Variants in PKNOX1 observed in about 807,000 individuals in gnomAD.
The protein encoded by PKNOX1 is homeobox protein PKNOX1.
Under a neutral mutation model 51.9 loss-of-function variants are expected in PKNOX1, and 15 were observed. That is an observed-to-expected ratio of 0.29 (90% confidence interval 0.19 to 0.45). PKNOX1 has a LOEUF of 0.45. Among genes scored for constraint, PKNOX1 ranks in the 20% least tolerant of loss-of-function variants. The pLI is 1.00. For missense variants in PKNOX1, 462 were observed against 547.5 expected (o/e 0.84, Z 1.56); for synonymous variants, 219 against 211.1 (o/e 1.04, Z -0.32).
At chr21:42,997,897 G>A (rs760291285) in intron 1 of PKNOX1, among the ~76,000 whole-genome samples, 8 of 152,298 alleles carry the variant, frequency 5.3e-5, no homozygotes, top group Non-Finnish European at 1.2e-4. Context: ...ACAACTTGGA[G>A]TGCGGAAGGG....
intron 1 of PKNOX1, among the ~76,000 whole-genome samples, chr21:42,988,306 C>T (rs775750644): frequency 3.9e-5 from 6 of 152,178 alleles, no homozygotes; most frequent in Non-Finnish European, 7.3e-5. Flanking sequence ...ACCTCGGCCT[C>T]CCAAACTGCT....
At chr21:43,003,368 C>T (rs373868611) in intron 1 of PKNOX1, among the ~76,000 whole-genome samples, 2 of 152,150 alleles carry the variant, frequency 1.3e-5, no homozygotes, top group Non-Finnish European at 2.9e-5. Flanking sequence ...TGGCATTTTG[C>T]GGTTTTCTGT....
At chr21:42,987,853 C>T (rs1601273954) in intron 1 of PKNOX1, among the ~76,000 whole-genome samples, 1 of 151,942 alleles carries the variant, frequency 6.6e-6, no homozygotes, top group African/African-American at 2.4e-5. Flanking sequence ...CTCCTGACCT[C>T]GTGATCCACC....
intron 1 of PKNOX1, among the ~76,000 whole-genome samples, chr21:42,987,760 A>G (rs1441944997): frequency 2.0e-5 from 3 of 150,896 alleles, no homozygotes; most frequent in Non-Finnish European, 4.4e-5. Flanking sequence ...CTGGGACTAC[A>G]GGTGCCCACC....
intron 4 of PKNOX1, among the ~76,000 whole-genome samples, chr21:43,011,778 A>G (rs1053444417): frequency 2.0e-5 from 3 of 152,202 alleles, no homozygotes; most frequent in African/African-American, 4.8e-5. Flanking sequence ...TTCTCATTAT[A>G]TACTCGATGC....
intron 1 of PKNOX1, among the ~76,000 whole-genome samples, chr21:42,991,742 A>G (rs1171847532): frequency 6.6e-6 from 1 of 152,180 alleles, no homozygotes; most frequent in South Asian, 2.1e-4. Flanking sequence ...TCAAAAAAAA[A>G]AAAACAAACC....
chr21:43,004,372 C>T lies in PKNOX1; in HGVS notation c.-10C>T. 6.3e-7 allele frequency: 1 copy of T among 1,593,646 alleles called. No homozygotes were observed. On this transcript the variant is annotated 5_prime_UTR_variant, in exon 2 of 11. Transcript: ENST00000291547. The stretch of plus-strand genomic sequence containing the variant: ...AGATGATTTGATGTCTTATAAAACT[C>T]TGATGAACCATGATGGCTACACAGA...
chr21:43,029,424 G>GTTTT lies in PKNOX1; in HGVS notation c.1100-448_1100-445dup, dbSNP rs138486584. Among the ~76,000 whole-genome samples, 19 of 63,288 alleles carry GTTTT rather than the reference G, an allele frequency of 3.0e-4. 2 individuals carry two copies. The highest frequency in any genetic ancestry group is 6.5e-4 in the African/African-American group (10 of 15,306). 41.5% of individuals were successfully genotyped at this position (63,288 alleles called of 152,430 possible). A position where few individuals can be genotyped will look rare whatever the true frequency, so the allele number is the denominator to read the frequency against. On this transcript the variant is annotated intron_variant, in intron 10 of 10. Transcript: ENST00000291547. ...TTATTTTTTTTTATTTGTTTGCTTT[G>GTTTT]TTTTTTTTTTTTTTTTTTTTTGAGA... is the stretch of plus-strand genomic sequence containing the variant.
chr21:42,979,157 G>A (rs2059013378), intron 1 of PKNOX1, among the ~76,000 whole-genome samples: 1 of 152,168 alleles, frequency 6.6e-6, no homozygotes, highest in African/African-American at 2.4e-5. Context: ...CTTTCAAGCC[G>A]CCTTCCTGCC....
chr21:43,001,639 C>G (rs772426104), intron 1 of PKNOX1, among the ~76,000 whole-genome samples: 30 of 152,126 alleles, frequency 2.0e-4, no homozygotes, highest in Non-Finnish European at 3.5e-4. Context: ...CTCATAAAGT[C>G]TTAAGGCTTT....
chr21:43,008,061 T>TCACACA (rs56932866), intron 3 of PKNOX1, among the ~76,000 whole-genome samples: 9,762 of 146,738 alleles, frequency 0.067, 386 homozygotes, highest in Non-Finnish European at 0.091. Context: ...CAAAACTCTG[T>TCACACA]CACACACACA....
chr21:43,017,054 A>G, intron 6 of PKNOX1, 47 bp downstream of exon 6: 1 of 1,266,500 alleles, frequency 7.9e-7, no homozygotes, highest in Admixed American at 1.7e-5. Context: ...TTTTTGCAGA[A>G]AATGGTCCTG....
Position 42,977,650 on chromosome 21 carries a change from C to T in PKNOX1, c.-57+2986C>T, listed in dbSNP as rs1000841216. 2.8e-5 allele frequency among the ~76,000 whole-genome samples: 4 copies of T among 145,318 alleles called. No individual in the cohort carries two copies. The East Asian group carries it at 6.1e-4, about 22-fold the overall frequency. ...GCAACCTCCACCTCCCGGGTTCAAG[C>T]GATTCTCCTGCCTCAGCCTCCGTAG... is the stretch of plus-strand genomic sequence containing the variant. On this transcript the variant is annotated intron_variant, in intron 1 of 10. Transcript: ENST00000291547.
chr21:43,009,610 CA>C lies in PKNOX1; in HGVS notation c.180-423del, dbSNP rs1202062070. On this transcript the variant is annotated intron_variant, in intron 3 of 10. Coordinates refer to ENST00000291547, the MANE Select transcript of PKNOX1 (RefSeq NM_004571.5). ...TGGGCGACAGAGTGAGACTCCATCT[CA>C]AAAAAAAAAAAAAAAAAAAGGAATA... Among the ~76,000 whole-genome samples, 11 of 76,146 alleles carry C rather than the reference CA, an allele frequency of 1.4e-4. No homozygotes were observed. In the East Asian group the frequency reaches 2.0e-3, roughly 14 times the overall value. The allele number at this position is 76,146 out of a possible 152,430, so 50.0% of individuals were successfully genotyped here.
chr21:42,988,386 C>A (rs1363604386), intron 1 of PKNOX1, among the ~76,000 whole-genome samples: 5 of 152,116 alleles, frequency 3.3e-5, no homozygotes, highest in Non-Finnish European at 5.9e-5. Flanking sequence ...CAAAGTTGGT[C>A]TGGATCTAAA....
intron 1 of PKNOX1, among the ~76,000 whole-genome samples, chr21:42,984,304 G>A (rs1397278198): frequency 2.0e-5 from 3 of 152,060 alleles, no homozygotes; most frequent in Non-Finnish European, 4.4e-5. Context: ...TGGCATTTTA[G>A]TGATTTTTAA....
intron 1 of PKNOX1, among the ~76,000 whole-genome samples, chr21:43,002,021 A>G (rs1430670234): frequency 6.6e-6 from 1 of 152,126 alleles, no homozygotes; most frequent in Admixed American, 6.6e-5. Flanking sequence ...CCACCCTGGC[A>G]GATTTATTTT....
At chr21:43,013,259 C>T (rs747668928) in intron 5 of PKNOX1, 21 bp downstream of exon 5, 23 of 1,538,796 alleles carry the variant, frequency 1.5e-5, no homozygotes, top group Admixed American at 7.9e-5. Context: ...TTGGGGGTCT[C>T]GCTTTCCCTC....
chr21:43,017,672 G>A lies in PKNOX1; in HGVS notation c.623-461G>A, dbSNP rs144410132. ...TTTTAGGAAATAGTAGAAAGCAGAG[G>A]CTAGCAAAAGGAAGGGAGCCCTCAC... is the stretch of plus-strand genomic sequence containing the variant. On this transcript the variant is annotated intron_variant, in intron 6 of 10. Coordinates refer to ENST00000291547, the MANE Select transcript of PKNOX1 (RefSeq NM_004571.5). 8.8e-4 allele frequency: 136 copies of A among 154,986 alleles called. 2 individuals are homozygous for A. The East Asian group carries it at 0.023, about 26-fold the overall frequency. The allele number at this position is 154,986 out of a possible 1,614,324, so 9.6% of individuals were successfully genotyped here.
Sources: allele counts gnomAD v4.1 joint callset (sites outside exome capture counted in the v4.1 genomes callset), GRCh38; gene constraint gnomAD v4.1.1; transcripts MANE v1.5; gene names NCBI Gene and HGNC (gene_info 2026-07-23, HGNC 2026-07-21).